The following NDST4 variants were observed in gnomAD, a reference collection of about 807,000 sequenced individuals.
NDST4 encodes N-deacetylase and N-sulfotransferase 4, also known as N-heparan sulfate sulfotransferase 4.
In NDST4, 63 loss-of-function variants were observed where a neutral mutation model predicts 100.8. That is an observed-to-expected ratio of 0.62 (90% CI 0.51 to 0.77). The LOEUF is 0.77. NDST4 is among the 30% of genes least tolerant of loss of function. The pLI, the probability that NDST4 is intolerant of heterozygous loss-of-function variation, is 0.00. For synonymous variants in NDST4, 377 were observed against 361.8 expected, an observed-to-expected ratio of 1.04 and a Z score of -0.48; for missense variants, 943 against 1,018.4, an observed-to-expected ratio of 0.93 and a Z score of 1.01.
intron 2 of NDST4, among the ~76,000 whole-genome samples, chr4:114,991,260 G>A (rs1190407684): frequency 3.3e-5 from 5 of 151,984 alleles, no homozygotes; most frequent in African/African-American, 4.8e-5. Context: ...CTAAGACTTT[G>A]TAAAAAATGA....
chr4:114,890,824 A>G (rs1463950934), intron 6 of NDST4, among the ~76,000 whole-genome samples: 1 of 152,070 alleles, frequency 6.6e-6, no homozygotes, highest in African/African-American at 2.4e-5. Context: ...CTGCCTCTCC[A>G]CTATCACTTT....
At chr4:115,051,726 G>C (rs1199180485) in intron 2 of NDST4, among the ~76,000 whole-genome samples, 1 of 152,114 alleles carries the variant, frequency 6.6e-6, no homozygotes, top group African/African-American at 2.4e-5. Context: ...GAACATGGGA[G>C]TGTAGATATC....
rs1228401576 is a variant in NDST4 at position 114,827,880 on chromosome 4, A to G, written c.2555T>C (p.Leu852Pro). 1 of 1,612,468 alleles carries G rather than the reference A, an allele frequency of 6.2e-7. No individual in the cohort carries two copies. Among genetic ancestry groups the G allele is most frequent in the South Asian group, 1.1e-5 (1 of 90,764 alleles). The change falls in exon 14 of 14, where the codon CTG becomes CCG. Residue 852 changes from leucine (L) to proline (P), a missense_variant. By Grantham distance (98) the Leu-to-Pro change is moderately conservative. Transcript: ENST00000264363. ...YRDHNVELSK[L>P]LHRLGQPLPS... Reference sequence around the variant, plus strand: ...CAGAGGCTGTCCCAGTCTGTGTAGCAGTTTGGATAGTTCCACATTATGATC... The same window carrying G: ...CAGAGGCTGTCCCAGTCTGTGTAGCGGTTTGGATAGTTCCACATTATGATC...
intron 5 of NDST4, among the ~76,000 whole-genome samples, chr4:114,935,641 C>A (rs1055622627): frequency 1.3e-5 from 2 of 152,074 alleles, no homozygotes; most frequent in Admixed American, 6.6e-5. Context: ...TAAGTTCACC[C>A]AAAGATGGAA....
At chr4:115,002,318 A>G (rs1306971454) in intron 2 of NDST4, among the ~76,000 whole-genome samples, 1 of 152,078 alleles carries the variant, frequency 6.6e-6, no homozygotes, top group African/African-American at 2.4e-5. Context: ...TTGTCTGTTC[A>G]TATCCTTTGC....
At chr4:115,055,921 A>G (rs959614464) in intron 2 of NDST4, among the ~76,000 whole-genome samples, 1 of 152,186 alleles carries the variant, frequency 6.6e-6, no homozygotes, top group Non-Finnish European at 1.5e-5. Flanking sequence ...AAGCAGCAAT[A>G]TCGTTCATCA....
chr4:114,829,836 C>A lies in NDST4; in HGVS notation c.2453G>T (p.Cys818Phe). Residue 818 changes from cysteine (C) to phenylalanine (F), a missense_variant, in exon 13 of 14, where the codon TGC (cysteine) becomes TTC (phenylalanine). Cys to Phe is a radical substitution (Grantham distance 205, BLOSUM62 -2). Transcript: ENST00000264363. ...TTTTCGGCCTTTGCTTTTTCCAAGG[C>A]ATTTTGTCTTTCCTCCTTCCAGTAA... Reference protein sequence around the residue: ...CQLLEGGKTKCLGKSKGRKYP... With the variant: ...CQLLEGGKTKFLGKSKGRKYP... 1.9e-6 allele frequency: 3 copies of A among 1,611,944 alleles called. No homozygotes were observed. Among genetic ancestry groups the A allele is most frequent in the South Asian group, 1.1e-5 (1 of 90,786 alleles).
chr4:114,986,832 A>ATATATATATATATATATATATATATTTT, intron 2 of NDST4, among the ~76,000 whole-genome samples: 3 of 94,654 alleles, frequency 3.2e-5, no homozygotes, highest in Non-Finnish European at 6.5e-5. Context: ...ATATATATAT[A>ATATATATATATATATATATATATATTTT]TTTTAATATA....
At chr4:114,879,689 A>G (rs550786803) in intron 6 of NDST4, among the ~76,000 whole-genome samples, 18 of 152,300 alleles carry the variant, frequency 1.2e-4, no homozygotes, top group African/African-American at 4.3e-4. Flanking sequence ...TATTTATTGA[A>G]TGAACAAATA....
chr4:114,998,829 A>G (rs1727220533), intron 2 of NDST4, among the ~76,000 whole-genome samples: 1 of 152,032 alleles, frequency 6.6e-6, no homozygotes, highest in Non-Finnish European at 1.5e-5. Flanking sequence ...AATTCCCTGT[A>G]GACCTTGGGC....
intron 6 of NDST4, among the ~76,000 whole-genome samples, chr4:114,887,064 C>T (rs28396645): frequency 0.09 from 13,636 of 152,166 alleles, 1,789 homozygotes; most frequent in African/African-American, 0.29. Context: ...CTTTGGCTTT[C>T]ACATTGTGAA....
intron 5 of NDST4, 46 bp downstream of exon 5, chr4:114,937,272 A>G: frequency 1.3e-6 from 2 of 1,596,974 alleles, no homozygotes; most frequent in Non-Finnish European, 1.7e-6. Flanking sequence ...TTCATTCCAC[A>G]TGTAAATATT....
intron 2 of NDST4, among the ~76,000 whole-genome samples, chr4:115,014,412 C>G (rs1209495390): frequency 1.3e-5 from 2 of 151,984 alleles, no homozygotes; most frequent in African/African-American, 4.8e-5. Flanking sequence ...GGCCTTCTAC[C>G]TCAGTAAAAT....
intron 6 of NDST4, among the ~76,000 whole-genome samples, chr4:114,893,506 C>CT (rs1460328765): frequency 6.6e-6 from 1 of 151,674 alleles, no homozygotes; most frequent in African/African-American, 2.4e-5. Flanking sequence ...TGATGTTGAT[C>CT]TTTTTTTCAT....
chr4:115,085,290 A>G (rs972855140), intron 1 of NDST4, among the ~76,000 whole-genome samples: 22 of 152,176 alleles, frequency 1.4e-4, no homozygotes, highest in African/African-American at 3.9e-4. Flanking sequence ...CTTACTTTTG[A>G]TTATACAGGC....
chr4:115,062,326 T>C (rs1418904085), intron 2 of NDST4, among the ~76,000 whole-genome samples: 1 of 152,050 alleles, frequency 6.6e-6, no homozygotes, highest in East Asian at 1.9e-4. Context: ...GAATATACCG[T>C]AAGCAAACAA....
chr4:114,845,806 T>G lies in NDST4; in HGVS notation c.2115+17A>C. 1 of 1,586,290 alleles carries G rather than the reference T, an allele frequency of 6.3e-7. No homozygotes were observed. Among genetic ancestry groups the G allele is most frequent in the Non-Finnish European group, 8.6e-7 (1 of 1,161,726 alleles). ...CTATAACAAAATGCTTTTAGCCGATTTTTTTACTGACCATACCTGGTACCA... is the reference window on the plus strand; with the variant it reads ...CTATAACAAAATGCTTTTAGCCGATGTTTTTACTGACCATACCTGGTACCA... On this transcript the variant is annotated intron_variant, in intron 10 of 13. Coordinates refer to ENST00000264363, the MANE Select transcript of NDST4 (RefSeq NM_022569.3).
intron 1 of NDST4, among the ~76,000 whole-genome samples, chr4:115,087,410 C>T (rs1252484262): frequency 1.3e-5 from 2 of 152,044 alleles, no homozygotes; most frequent in Non-Finnish European, 2.9e-5. Flanking sequence ...TCAAGTATTT[C>T]TCTTATTACC....
chr4:115,006,657 T>G (rs1727424042), intron 2 of NDST4, among the ~76,000 whole-genome samples: 1 of 152,086 alleles, frequency 6.6e-6, no homozygotes, highest in African/African-American at 2.4e-5. Flanking sequence ...CAGGCTGAAT[T>G]TGAACTACTT....
Sources: gnomAD v4.1 joint callset for allele counts (sites outside exome capture counted in the v4.1 genomes callset) on GRCh38, gnomAD v4.1.1 for gene constraint, MANE v1.5 for transcripts, NCBI Gene and HGNC (gene_info 2026-07-23, HGNC 2026-07-21) for gene names.